Variants in OCIAD1 observed in about 807,000 individuals in gnomAD.
OCIAD1 encodes OCIA domain containing 1.
OCIAD1 carries 29 observed loss-of-function variants against 38.9 expected under a neutral mutation model. The ratio of observed to expected loss-of-function variants is 0.74; its 90% CI spans 0.55 to 1.02. OCIAD1 has a LOEUF of 1.02. OCIAD1 is among the 50% of genes least tolerant of loss of function. OCIAD1 has a pLI of 0.00. For synonymous variants in OCIAD1, 110 were observed against 92.0 expected (o/e 1.20, Z -1.12); for missense variants, 288 against 289.6 (o/e 0.99, Z 0.04).
chr4:48,829,443 G>GC (rs1212562663), upstream of OCIAD1, among the ~76,000 whole-genome samples: 2 of 152,034 alleles, frequency 1.3e-5, no homozygotes, highest in Non-Finnish European at 2.9e-5. Context: ...ATGATCATGT[G>GC]CCAATCACTG....
At chr4:48,818,845 C>T (rs551797974) in intron 1 of OCIAD1, among the ~76,000 whole-genome samples, 43 of 151,598 alleles carry the variant, frequency 2.8e-4, no homozygotes, top group Non-Finnish European at 5.0e-4. Flanking sequence ...ATCAACTTAA[C>T]GGAATAAGGG....
At chr4:48,830,719 C>T (rs1777399841), upstream of OCIAD1, 1 of 152,192 alleles carries the variant, frequency 6.6e-6, no homozygotes, top group South Asian at 2.1e-4. Flanking sequence ...CCTACAGGCT[C>T]AAAGAATGAA....
chr4:48,860,050 A>G (rs908659163), intron 8 of OCIAD1: 12 of 152,344 alleles, frequency 7.9e-5, no homozygotes, highest in African/African-American at 2.9e-4. Flanking sequence ...CTGCTGCTTT[A>G]TATTGTTATG....
chr4:48,860,657 CAA>C, intron 8 of OCIAD1, 66 bp from the exon 9 acceptor site: 1 of 1,174,800 alleles, frequency 8.5e-7, no homozygotes, highest in East Asian at 2.4e-5. Context: ...ATCATAGCAA[CAA>C]ACTTAAAATA....
chr4:48,827,496 T>C (rs1287263760), upstream of OCIAD1, among the ~76,000 whole-genome samples: 4 of 152,242 alleles, frequency 2.6e-5, no homozygotes, highest in Non-Finnish European at 5.9e-5. Flanking sequence ...CTAGCAAATG[T>C]GTATCGACTT....
intron 7 of OCIAD1, among the ~76,000 whole-genome samples, chr4:48,854,874 T>C (rs1316729258): frequency 6.6e-6 from 1 of 152,228 alleles, no homozygotes; most frequent in Admixed American, 6.5e-5. Flanking sequence ...GTTATTAATC[T>C]TTTAAAATAG....
intron 3 of OCIAD1, among the ~76,000 whole-genome samples, chr4:48,839,454 G>A (rs950879475): frequency 6.7e-6 from 1 of 148,552 alleles, no homozygotes; most frequent in African/African-American, 2.5e-5. Flanking sequence ...AAAAAAAAGA[G>A]TATGGACTCT....
chr4:48,810,886 CTTTCTTTCT>C (rs756933445), intron 1 of OCIAD1, among the ~76,000 whole-genome samples: 2,215 of 44,280 alleles, frequency 0.05, 28 homozygotes, highest in African/African-American at 0.17. Context: ...TTTTTTCTTT[CTTTCTTTCT>C]TTTTTTTTTT....
intron 7 of OCIAD1, among the ~76,000 whole-genome samples, chr4:48,855,424 T>G (rs1350351268): frequency 6.6e-6 from 1 of 152,200 alleles, no homozygotes; most frequent in African/African-American, 2.4e-5. Context: ...AAAAATGTAG[T>G]TTTGAACCAT....
chr4:48,829,506 C>T (rs1306634772), upstream of OCIAD1, among the ~76,000 whole-genome samples: 1 of 152,042 alleles, frequency 6.6e-6, no homozygotes, highest in African/African-American at 2.4e-5. Flanking sequence ...TGAAGAGAGA[C>T]AATACACAAA....
At position 48,857,290 on chromosome 4, in the gene OCIAD1, T is replaced by C; in HGVS notation, c.625T>C (p.Ser209Pro). 1 of 1,599,030 alleles carries C rather than the reference T, an allele frequency of 6.3e-7. No homozygotes were observed. Among genetic ancestry groups the C allele is most frequent in the Non-Finnish European group, 8.5e-7 (1 of 1,171,790 alleles). ...YEELRNKNRE[S>P]YEVSLTQKTD... ...GGAATTAAGGAATAAGAACAGAGAG[T>C]CATATGAAGTATCTTTAACACAAAA... The change falls in exon 8 of 9, where the codon TCA (serine) becomes CCA (proline). Residue 209 changes from serine to proline, a missense_variant. Physicochemically the swap from Ser to Pro is moderately conservative, Grantham distance 74. Transcript: ENST00000264312.
upstream of OCIAD1, among the ~76,000 whole-genome samples, chr4:48,826,572 T>G (rs1219957546): frequency 6.6e-6 from 1 of 152,170 alleles, no homozygotes; most frequent in Non-Finnish European, 1.5e-5. Flanking sequence ...CAATTACAAT[T>G]AAAAGCCTAT....
upstream of OCIAD1, chr4:48,830,545 C>T (rs1219119581): frequency 6.6e-6 from 1 of 152,162 alleles, no homozygotes; most frequent in Non-Finnish European, 1.5e-5. Context: ...TGTTTTAATT[C>T]TAACAACCCT....
chr4:48,831,599 T>C, intron 1 of OCIAD1: 1 of 1,258,346 alleles, frequency 7.9e-7, no homozygotes, highest in Non-Finnish European at 1.0e-6. Context: ...CTTAAAATGG[T>C]ATTGTCTTAA....
chr4:48,826,190 A>G (rs1173276976), upstream of OCIAD1, among the ~76,000 whole-genome samples: 2 of 151,990 alleles, frequency 1.3e-5, no homozygotes, highest in African/African-American at 4.8e-5. Flanking sequence ...TCTAGGGTAC[A>G]TGTGAACAAC....
At chr4:48,816,572 T>C (rs957024130) in intron 1 of OCIAD1, among the ~76,000 whole-genome samples, 1 of 152,096 alleles carries the variant, frequency 6.6e-6, no homozygotes, top group Non-Finnish European at 1.5e-5. Context: ...ATACTGGCTT[T>C]TGTTGAATAA....
chr4:48,856,397 CT>C (rs1213886548), intron 7 of OCIAD1: 8 of 150,822 alleles, frequency 5.3e-5, no homozygotes, highest in East Asian at 3.9e-4. Flanking sequence ...ACTTTTTTTC[CT>C]TTTTTTTTGA....
intron 2 of OCIAD1, among the ~76,000 whole-genome samples, chr4:48,832,919 T>C (rs991814528): frequency 1.4e-4 from 22 of 152,144 alleles, no homozygotes; most frequent in African/African-American, 5.3e-4. Flanking sequence ...GACTAGCAGA[T>C]AGTAGCATTA....
intron 3 of OCIAD1, among the ~76,000 whole-genome samples, chr4:48,840,833 C>CAAAAAAA (rs1233881090): frequency 5.5e-4 from 25 of 45,788 alleles, no homozygotes; most frequent in Middle Eastern, 0.014. Context: ...CTCATCTCTA[C>CAAAAAAA]AAAAAAAAAA....
Sources: allele counts gnomAD v4.1 joint callset (sites outside exome capture counted in the v4.1 genomes callset), GRCh38; gene constraint gnomAD v4.1.1; transcripts MANE v1.5; gene names NCBI Gene and HGNC (gene_info 2026-07-23, HGNC 2026-07-21).